The following MED13L variants were observed in gnomAD, a reference collection of about 807,000 sequenced individuals.
The protein encoded by MED13L is mediator complex subunit 13L, also known as mediator of RNA polymerase II transcription subunit 13-like.
MED13L carries 7 observed loss-of-function variants against 220.9 expected under a neutral mutation model. The observed-to-expected ratio is 0.03, with a 90% CI of 0.02 to 0.06. The LOEUF (loss-of-function observed/expected upper bound fraction) is 0.06. Among genes scored for constraint, MED13L ranks in the 10% least tolerant of loss-of-function variants. The pLI is 1.00. For missense variants in MED13L, 1,965 were observed against 2,760.5 expected (o/e 0.71, Z 6.46); for synonymous variants, 1,011 against 1,015.2 (o/e 1.00, Z 0.08).
Position 116,015,132 on chromosome 12 carries a change from G to A in MED13L, c.1152C>T (p.Cys384=), listed in dbSNP as rs1466561429. The change falls in exon 8 of 31, where the codon TGC becomes TGT. Residue 384 remains cysteine, a synonymous_variant. Coordinates refer to ENST00000281928, the MANE Select transcript of MED13L (RefSeq NM_015335.5). ...NHMVHRVWKE[C]ILNRTQSKRS... ...ACTTGGACTGGGTTCTGTTGAGGATGCATTCCTTCCAGACTCGATGGACCA... is the reference window on the plus strand; with the variant it reads ...ACTTGGACTGGGTTCTGTTGAGGATACATTCCTTCCAGACTCGATGGACCA... 6.2e-7 allele frequency: 1 copy of A among 1,613,558 alleles called. No homozygotes were observed. Among genetic ancestry groups the A allele is most frequent in the Non-Finnish European group, 8.5e-7 (1 of 1,179,712 alleles).
chr12:116,091,309 C>T (rs1872191102), intron 4 of MED13L, among the ~76,000 whole-genome samples: 1 of 151,728 alleles, frequency 6.6e-6, no homozygotes. Flanking sequence ...ACTGTTTAGA[C>T]CACTAATAGC....
chr12:115,980,004 G>C (rs1318750281), intron 23 of MED13L, among the ~76,000 whole-genome samples: 1 of 152,174 alleles, frequency 6.6e-6, no homozygotes, highest in Admixed American at 6.5e-5. Flanking sequence ...GCAAGGAAAG[G>C]AGAAATCAAC....
chr12:116,160,741 CTTTCT>C (rs1432888467), intron 2 of MED13L, among the ~76,000 whole-genome samples: 2 of 151,356 alleles, frequency 1.3e-5, no homozygotes, highest in Admixed American at 6.6e-5. Context: ...ACAGGTTTTT[CTTTCT>C]TTTATTTTTT....
intron 2 of MED13L, among the ~76,000 whole-genome samples, chr12:116,133,376 AG>A (rs1003080671): frequency 2.6e-5 from 4 of 152,190 alleles, no homozygotes; most frequent in African/African-American, 9.7e-5. Context: ...GAGGAGCAAC[AG>A]GAAGTGCTAA....
intron 2 of MED13L, among the ~76,000 whole-genome samples, chr12:116,214,879 T>A (rs1340207694): frequency 6.6e-6 from 1 of 152,198 alleles, no homozygotes; most frequent in Non-Finnish European, 1.5e-5. Flanking sequence ...CTCACAGACA[T>A]GCACTTTCAT....
intron 2 of MED13L, among the ~76,000 whole-genome samples, chr12:116,164,848 C>G (rs1879132756): frequency 6.6e-6 from 1 of 152,180 alleles, no homozygotes; most frequent in African/African-American, 2.4e-5. Context: ...TCAAGAACCA[C>G]TCTATACTAA....
At chr12:115,963,927 A>C (rs1001799774) in intron 29 of MED13L, among the ~76,000 whole-genome samples, 1 of 152,024 alleles carries the variant, frequency 6.6e-6, no homozygotes, top group Non-Finnish European at 1.5e-5. Flanking sequence ...TCTATAAAAC[A>C]TTAAAAAAAA....
At chr12:116,142,525 T>C (rs1877164202) in intron 2 of MED13L, among the ~76,000 whole-genome samples, 1 of 151,840 alleles carries the variant, frequency 6.6e-6, no homozygotes, top group Admixed American at 6.6e-5. Flanking sequence ...CCATCTCTAC[T>C]AAAAATACAA....
chr12:116,126,985 T>C (rs1462982765), intron 2 of MED13L, among the ~76,000 whole-genome samples: 2 of 152,222 alleles, frequency 1.3e-5, no homozygotes, highest in African/African-American at 2.4e-5. Flanking sequence ...AGATTTTTCA[T>C]AGGTTAAAAA....
At chr12:116,105,933 A>G (rs983648734) in intron 3 of MED13L, among the ~76,000 whole-genome samples, 1 of 152,212 alleles carries the variant, frequency 6.6e-6, no homozygotes, top group Non-Finnish European at 1.5e-5. Context: ...GAAATGGGAT[A>G]TACCATTTCC....
chr12:116,268,244 A>G (rs1461770271), intron 1 of MED13L, among the ~76,000 whole-genome samples: 3 of 152,188 alleles, frequency 2.0e-5, no homozygotes, highest in Non-Finnish European at 4.4e-5. Flanking sequence ...GAACTTCTTA[A>G]GTAGCATTGT....
At chr12:116,256,682 CTT>C (rs35608298) in intron 1 of MED13L, among the ~76,000 whole-genome samples, 5 of 96,234 alleles carry the variant, frequency 5.2e-5, no homozygotes, top group African/African-American at 1.6e-4. Context: ...AAACAAACTA[CTT>C]TTTTTTTTTT....
chr12:116,234,760 T>A (rs1869910392), intron 2 of MED13L, among the ~76,000 whole-genome samples: 3 of 152,062 alleles, frequency 2.0e-5, no homozygotes, highest in Non-Finnish European at 1.5e-5. Context: ...TGGGTTTAAG[T>A]GATCCTCCAG....
chr12:116,024,012 G>C (rs933642300), intron 4 of MED13L, among the ~76,000 whole-genome samples: 1 of 152,104 alleles, frequency 6.6e-6, no homozygotes, highest in Non-Finnish European at 1.5e-5. Context: ...TTGTGGATTG[G>C]CTTATTTTTC....
chr12:116,007,742 T>G, intron 10 of MED13L, 106 bp from the exon 11 acceptor site: 2 of 911,672 alleles, frequency 2.2e-6, no homozygotes, highest in Non-Finnish European at 3.4e-6. Flanking sequence ...ATATAGTGAT[T>G]TGCTTTTACA....
intron 1 of MED13L, among the ~76,000 whole-genome samples, chr12:116,253,749 T>A (rs921392256): frequency 6.8e-6 from 1 of 146,780 alleles, no homozygotes; most frequent in Admixed American, 6.8e-5. Flanking sequence ...TCACGGTTTT[T>A]TTTGTTTTTT....
intron 1 of MED13L, among the ~76,000 whole-genome samples, chr12:116,268,357 A>G (rs1872992107): frequency 6.6e-6 from 1 of 152,232 alleles, no homozygotes. Context: ...TGAAAATTCA[A>G]TAGTCAGAAT....
chr12:116,164,628 A>G (rs145833955), intron 2 of MED13L, among the ~76,000 whole-genome samples: 177 of 152,268 alleles, frequency 1.2e-3, no homozygotes, highest in Admixed American at 2.4e-3. Flanking sequence ...GTTTTCCACT[A>G]TAGCTTAAGT....
At chr12:116,050,545 C>T (rs1268292621) in intron 4 of MED13L, among the ~76,000 whole-genome samples, 1 of 152,074 alleles carries the variant, frequency 6.6e-6, no homozygotes, top group Non-Finnish European at 1.5e-5. Context: ...TAAAAGTACA[C>T]CCTACTTAGA....
Sources: gnomAD v4.1 joint callset for allele counts (sites outside exome capture counted in the v4.1 genomes callset) on GRCh38, gnomAD v4.1.1 for gene constraint, MANE v1.5 for transcripts, NCBI Gene and HGNC (gene_info 2026-07-23, HGNC 2026-07-21) for gene names.